The following NCKAP5 variants were observed in gnomAD, a reference collection of about 807,000 sequenced individuals.
NCKAP5 encodes nck-associated protein 5.
A neutral mutation model predicts 167.0 loss-of-function variants in NCKAP5; 92 were observed. The ratio of observed to expected loss-of-function variants is 0.55; its 90% CI spans 0.47 to 0.66. The LOEUF is 0.66. NCKAP5 is among the 30% of genes least tolerant of loss of function. The probability of loss-of-function intolerance (pLI) is 0.00; values close to 1 mark genes in which losing one functional copy is unlikely to be tolerated. For synonymous variants in NCKAP5, 891 were observed against 877.4 expected (o/e 1.02, Z -0.27); for missense variants, 2,378 against 2,315.0 (o/e 1.03, Z -0.56).
chr2:132,683,640 T>C (rs762926323), intron 19 of NCKAP5, among the ~76,000 whole-genome samples: 12 of 152,200 alleles, frequency 7.9e-5, no homozygotes, highest in African/African-American at 1.4e-4. Context: ...GGTTCAAAAG[T>C]AATTGCACCA....
intron 5 of NCKAP5, among the ~76,000 whole-genome samples, chr2:133,154,216 C>T (rs1363424734): frequency 1.3e-5 from 2 of 152,178 alleles, no homozygotes; most frequent in African/African-American, 2.4e-5. Flanking sequence ...TAATCACATG[C>T]TGTGATTATG....
At chr2:132,959,225 A>C (rs2076436131) in intron 8 of NCKAP5, among the ~76,000 whole-genome samples, 2 of 152,046 alleles carry the variant, frequency 1.3e-5, no homozygotes, top group East Asian at 3.9e-4. Context: ...ATGCTTATGC[A>C]CAGCACTGTA....
intron 8 of NCKAP5, 37 bp downstream of exon 8, chr2:132,963,683 T>C: frequency 1.2e-6 from 2 of 1,601,254 alleles, no homozygotes; most frequent in Non-Finnish European, 1.7e-6. Context: ...ATACTGTTAT[T>C]TTTCTTGAAG....
chr2:133,564,882 C>T (rs1480634831), intron 1 of NCKAP5, among the ~76,000 whole-genome samples: 1 of 152,180 alleles, frequency 6.6e-6, no homozygotes, highest in African/African-American at 2.4e-5. Flanking sequence ...GTCTACTCAA[C>T]AAGTAATTCC....
chr2:132,820,252 C>T (rs993193808), intron 11 of NCKAP5, among the ~76,000 whole-genome samples: 3 of 150,534 alleles, frequency 2.0e-5, no homozygotes, highest in African/African-American at 7.3e-5. Context: ...TTTTAAGAGA[C>T]AGAGTCTCAC....
At chr2:132,889,095 C>T (rs1043684882) in intron 8 of NCKAP5, among the ~76,000 whole-genome samples, 9 of 152,104 alleles carry the variant, frequency 5.9e-5, no homozygotes, top group African/African-American at 1.9e-4. Flanking sequence ...CAGACAGGCC[C>T]TGGAGGATGA....
chr2:133,533,996 A>G (rs1685564000), intron 2 of NCKAP5, among the ~76,000 whole-genome samples: 1 of 152,158 alleles, frequency 6.6e-6, no homozygotes, highest in Non-Finnish European at 1.5e-5. Context: ...TCACATATGG[A>G]TATTTTGACC....
chr2:133,068,609 T>G (rs1419336149), intron 6 of NCKAP5, among the ~76,000 whole-genome samples: 1 of 152,132 alleles, frequency 6.6e-6, no homozygotes, highest in Non-Finnish European at 1.5e-5. Flanking sequence ...CCTCTGGGTC[T>G]GAAACATAAA....
intron 3 of NCKAP5, among the ~76,000 whole-genome samples, chr2:133,506,868 T>C (rs1451903020): frequency 1.3e-5 from 2 of 152,192 alleles, no homozygotes; most frequent in African/African-American, 4.8e-5. Context: ...TTTGTCTTTG[T>C]AGACAAATGA....
chr2:133,592,898 G>A, the NCKAP5 span, among the ~76,000 whole-genome samples: 1 of 152,188 alleles, frequency 6.6e-6, no homozygotes, highest in East Asian at 1.9e-4. Context: ...GGCTAGATGG[G>A]GATTAATCTG....
intron 3 of NCKAP5, among the ~76,000 whole-genome samples, chr2:133,393,521 A>G (rs1216702148): frequency 6.6e-6 from 1 of 152,232 alleles, no homozygotes; most frequent in Non-Finnish European, 1.5e-5. Flanking sequence ...TTTCAACTCT[A>G]TAAAATTCAA....
intron 11 of NCKAP5, among the ~76,000 whole-genome samples, chr2:132,835,292 C>G (rs1276787606): frequency 1.3e-5 from 2 of 151,880 alleles, no homozygotes; most frequent in East Asian, 3.9e-4. Flanking sequence ...TTGTTGTTGT[C>G]TTCTCGTCTG....
chr2:132,766,392 C>T (rs977535754), intron 16 of NCKAP5, among the ~76,000 whole-genome samples: 2 of 151,970 alleles, frequency 1.3e-5, no homozygotes, highest in South Asian at 2.1e-4. Context: ...GGACCACCTC[C>T]CTCTGGGCTT....
intron 4 of NCKAP5, among the ~76,000 whole-genome samples, chr2:133,262,625 C>T (rs1232334539): frequency 2.6e-5 from 4 of 152,298 alleles, no homozygotes; most frequent in East Asian, 3.9e-4. Context: ...GCGTAATATC[C>T]AGGAAGCAAT....
At chr2:133,624,335 T>C in the NCKAP5 span, among the ~76,000 whole-genome samples, 1 of 152,122 alleles carries the variant, frequency 6.6e-6, no homozygotes, top group African/African-American at 2.4e-5. Context: ...CTCTCCAAGA[T>C]CCATTGAGCC....
At chr2:133,250,558 C>T (rs554335695) in intron 4 of NCKAP5, among the ~76,000 whole-genome samples, 1 of 152,222 alleles carries the variant, frequency 6.6e-6, no homozygotes, top group East Asian at 1.9e-4. Context: ...GCTCTGCTCT[C>T]CTGAGGTTCT....
intron 4 of NCKAP5, among the ~76,000 whole-genome samples, chr2:133,294,589 G>A (rs777714243): frequency 5.3e-5 from 8 of 152,190 alleles, no homozygotes; most frequent in Non-Finnish European, 1.2e-4. Context: ...TGGAGGGAAC[G>A]TTAGAGGCAC....
chr2:133,444,102 G>C (rs6746135), intron 3 of NCKAP5, among the ~76,000 whole-genome samples: 33,487 of 151,838 alleles, frequency 0.22, 3,882 homozygotes, highest in African/African-American at 0.25. Context: ...TCTCTTGACT[G>C]ACCTAGGTGA....
At chr2:133,475,154 G>A (rs192034584) in intron 3 of NCKAP5, among the ~76,000 whole-genome samples, 34 of 152,272 alleles carry the variant, frequency 2.2e-4, no homozygotes, top group Non-Finnish European at 4.4e-4. Flanking sequence ...CTTAGATAGT[G>A]GTAATGGATT....
Sources: gnomAD v4.1 joint callset for allele counts (sites outside exome capture counted in the v4.1 genomes callset) on GRCh38, gnomAD v4.1.1 for gene constraint, MANE v1.5 for transcripts, NCBI Gene and HGNC (gene_info 2026-07-23, HGNC 2026-07-21) for gene names.